The following ANO3 variants were observed in gnomAD, a reference collection of about 807,000 sequenced individuals.
ANO3 encodes anoctamin 3, also known as anoctamin-3.
Under a neutral mutation model 144.8 loss-of-function variants are expected in ANO3, and 99 were observed. The observed-to-expected ratio is 0.68, with a 90% confidence interval of 0.58 to 0.81. The LOEUF (loss-of-function observed/expected upper bound fraction) is 0.81, where lower values mean the gene tolerates loss of function less well. Among genes scored for constraint, ANO3 ranks in the 30% least tolerant of loss-of-function variants. The pLI is 0.00. For missense variants in ANO3, 905 were observed against 1,202.2 expected (o/e 0.75, Z 3.66); for synonymous variants, 414 against 392.6 (o/e 1.05, Z -0.64).
chr11:26,632,114 C>G (rs1852801258), intron 18 of ANO3, among the ~76,000 whole-genome samples: 1 of 151,806 alleles, frequency 6.6e-6, no homozygotes, highest in African/African-American at 2.4e-5. Flanking sequence ...ATCTCTCGAA[C>G]CCGGGAGGTG....
intron 1 of ANO3, among the ~76,000 whole-genome samples, chr11:26,341,253 T>C (rs764905904): frequency 1.3e-5 from 2 of 152,220 alleles, no homozygotes; most frequent in Non-Finnish European, 2.9e-5. Flanking sequence ...ATAATTCTCC[T>C]TGATTTATAT....
intron 4 of ANO3, among the ~76,000 whole-genome samples, chr11:26,475,532 C>T (rs1859931497): frequency 6.6e-6 from 1 of 151,946 alleles, no homozygotes; most frequent in South Asian, 2.1e-4. Context: ...CAATTCATTG[C>T]TTGAACCATC....
chr11:26,377,444 A>G (rs1341503881), intron 1 of ANO3, among the ~76,000 whole-genome samples: 4 of 152,108 alleles, frequency 2.6e-5, no homozygotes, highest in African/African-American at 9.6e-5. Flanking sequence ...TCACTGTTAA[A>G]CCAGAGAATC....
At chr11:26,493,835 C>T (rs1017785722) in intron 4 of ANO3, among the ~76,000 whole-genome samples, 1 of 152,146 alleles carries the variant, frequency 6.6e-6, no homozygotes, top group African/African-American at 2.4e-5. Context: ...GGACTGCCAC[C>T]TGACACCCTC....
chr11:26,521,297 T>G (rs1862064723), intron 6 of ANO3, among the ~76,000 whole-genome samples: 1 of 152,292 alleles, frequency 6.6e-6, no homozygotes, highest in Admixed American at 6.5e-5. Context: ...TTTTAAAAAT[T>G]TATGCATTCA....
intron 1 of ANO3, among the ~76,000 whole-genome samples, chr11:26,219,901 G>C (rs1852108208): frequency 6.6e-6 from 1 of 152,132 alleles, no homozygotes; most frequent in Non-Finnish European, 1.5e-5. Context: ...CTCCATTTTG[G>C]ATTTTACACC....
intron 24 of ANO3, among the ~76,000 whole-genome samples, chr11:26,654,769 C>G (rs186143840): frequency 1.3e-5 from 2 of 152,166 alleles, no homozygotes; most frequent in Admixed American, 1.3e-4. Flanking sequence ...TAAGATCCTA[C>G]CAGATTTTTG....
chr11:26,242,480 A>G (rs192597601), intron 1 of ANO3, among the ~76,000 whole-genome samples: 1 of 152,206 alleles, frequency 6.6e-6, no homozygotes, highest in Admixed American at 6.5e-5. Context: ...CCTTTACCCA[A>G]TTCTGTAGCC....
At chr11:26,339,224 G>A (rs1162870647) in intron 1 of ANO3, among the ~76,000 whole-genome samples, 2 of 151,048 alleles carry the variant, frequency 1.3e-5, no homozygotes, top group Non-Finnish European at 2.9e-5. Flanking sequence ...GCACGATCTC[G>A]GCTCACTGAA....
intron 17 of ANO3, among the ~76,000 whole-genome samples, chr11:26,623,584 G>A (rs1436848575): frequency 2.6e-5 from 4 of 152,066 alleles, no homozygotes; most frequent in African/African-American, 9.7e-5. Flanking sequence ...GTGACTTACA[G>A]ATTCAACAGA....
At chr11:26,603,490 G>A (rs1422982201) in intron 17 of ANO3, among the ~76,000 whole-genome samples, 1 of 151,850 alleles carries the variant, frequency 6.6e-6, no homozygotes, top group Non-Finnish European at 1.5e-5. Flanking sequence ...ATTTAGAGTA[G>A]TAGATATTAA....
intron 1 of ANO3, among the ~76,000 whole-genome samples, chr11:26,204,551 C>T (rs1380127126): frequency 6.6e-6 from 1 of 152,072 alleles, no homozygotes; most frequent in Non-Finnish European, 1.5e-5. Flanking sequence ...TCTTTGGAAG[C>T]CCTAAGAACC....
intron 1 of ANO3, among the ~76,000 whole-genome samples, chr11:26,365,621 T>A (rs564761857): frequency 1.3e-5 from 2 of 152,310 alleles, no homozygotes; most frequent in Non-Finnish European, 1.5e-5. Flanking sequence ...CCACCACAGC[T>A]AATGGCTTGT....
At chr11:26,316,331 T>C (rs570965758) in intron 1 of ANO3, among the ~76,000 whole-genome samples, 1 of 152,250 alleles carries the variant, frequency 6.6e-6, no homozygotes, top group South Asian at 2.1e-4. Context: ...AGTGAGGGAT[T>C]TAGGGTCATT....
At chr11:26,517,958 G>A (rs939998533) in intron 6 of ANO3, among the ~76,000 whole-genome samples, 2 of 151,940 alleles carry the variant, frequency 1.3e-5, no homozygotes, top group African/African-American at 4.8e-5. Flanking sequence ...GACAATATTA[G>A]AATTAAACAC....
intron 1 of ANO3, among the ~76,000 whole-genome samples, chr11:26,403,290 C>A (rs1017129247): frequency 9.2e-5 from 14 of 151,840 alleles, no homozygotes; most frequent in African/African-American, 3.4e-4. Context: ...GCAATAATAG[C>A]AGTCATTGCT....
At chr11:26,295,923 A>G (rs920271246) in intron 1 of ANO3, among the ~76,000 whole-genome samples, 3 of 152,168 alleles carry the variant, frequency 2.0e-5, no homozygotes, top group South Asian at 2.1e-4. Flanking sequence ...ACCTCTCTCT[A>G]GATGTTTCTG....
chr11:26,446,697 T>C (rs1391270633), intron 3 of ANO3, among the ~76,000 whole-genome samples: 2 of 152,240 alleles, frequency 1.3e-5, no homozygotes, highest in African/African-American at 4.8e-5. Context: ...CTCTCTGAGC[T>C]TTAGTGATTT....
chr11:26,198,709 C>G (rs1851635574), intron 1 of ANO3, among the ~76,000 whole-genome samples: 1 of 152,104 alleles, frequency 6.6e-6, no homozygotes, highest in Non-Finnish European at 1.5e-5. Context: ...GGAAAGTTAT[C>G]CCTTTTCCAA....
Sources: gnomAD v4.1 joint callset for allele counts (sites outside exome capture counted in the v4.1 genomes callset) on GRCh38, gnomAD v4.1.1 for gene constraint, MANE v1.5 for transcripts, NCBI Gene and HGNC (gene_info 2026-07-23, HGNC 2026-07-21) for gene names.